The following ME3 variants were observed in gnomAD, a reference collection of about 807,000 sequenced individuals.
ME3 encodes the protein NADP-dependent malic enzyme, mitochondrial.
A neutral mutation model predicts 68.9 loss-of-function variants in ME3; 48 were observed. The observed-to-expected ratio is 0.70, with a 90% CI of 0.55 to 0.89. ME3 has a LOEUF of 0.89. ME3 is among the 40% of genes least tolerant of loss of function. The probability of loss-of-function intolerance (pLI) is 0.00; values close to 1 mark genes in which losing one functional copy is unlikely to be tolerated. For synonymous variants in ME3, 320 were observed against 318.8 expected (o/e 1.00, Z -0.04); for missense variants, 675 against 797.4 (o/e 0.85, Z 1.85).
chr11:86,442,655 C>A (rs944659111), intron 14 of ME3, among the ~76,000 whole-genome samples, 166 bp downstream of exon 14: 1 of 151,972 alleles, frequency 6.6e-6, no homozygotes, highest in Admixed American at 6.5e-5. Flanking sequence ...GGGTGGAGCT[C>A]AAGCTGCAAA....
downstream of ME3, chr11:86,436,204 A>G (rs1315275920): frequency 6.7e-6 from 1 of 149,592 alleles, no homozygotes; most frequent in Admixed American, 6.6e-5. Flanking sequence ...TTTTTTTTTT[A>G]TTATAGCCAT....
intron 7 of ME3, among the ~76,000 whole-genome samples, chr11:86,474,645 C>T (rs1184305190): frequency 4.6e-5 from 7 of 152,160 alleles, no homozygotes; most frequent in South Asian, 2.1e-4. Context: ...CATGAGGCCA[C>T]AGGTGTCCTC....
At chr11:86,596,068 T>G (rs1250582261) in intron 2 of ME3, among the ~76,000 whole-genome samples, 1 of 152,270 alleles carries the variant, frequency 6.6e-6, no homozygotes, top group Non-Finnish European at 1.5e-5. Flanking sequence ...AAAAATTCTT[T>G]TATATTTTTC....
At chr11:86,648,608 CTTT>C (rs1407829972) in intron 2 of ME3, among the ~76,000 whole-genome samples, 4 of 151,986 alleles carry the variant, frequency 2.6e-5, no homozygotes, top group Non-Finnish European at 2.9e-5. Context: ...TCCTTTTCTT[CTTT>C]ATTAATCTAA....
At chr11:86,524,510 C>G (rs537773341) in intron 4 of ME3, among the ~76,000 whole-genome samples, 1 of 152,130 alleles carries the variant, frequency 6.6e-6, no homozygotes, top group Admixed American at 6.5e-5. Context: ...TCCCCTAAAC[C>G]AAGAAAAAGC....
chr11:86,456,703 G>A (rs1367192244), intron 8 of ME3, among the ~76,000 whole-genome samples: 1 of 152,138 alleles, frequency 6.6e-6, no homozygotes, highest in African/African-American at 2.4e-5. Context: ...TCAACATTCA[G>A]CTGTACCTCT....
intron 7 of ME3, among the ~76,000 whole-genome samples, chr11:86,480,404 A>G (rs909032490): frequency 6.6e-6 from 1 of 152,208 alleles, no homozygotes; most frequent in Non-Finnish European, 1.5e-5. Context: ...CCAAATAGGC[A>G]TATTTTTTGG....
intron 4 of ME3, among the ~76,000 whole-genome samples, chr11:86,530,908 C>T (rs1347606406): frequency 1.9e-5 from 1 of 52,784 alleles, no homozygotes; most frequent in Non-Finnish European, 4.3e-5. Context: ...AGAAGAAAAC[C>T]TAGGCATACC....
At chr11:86,446,166 TGA>T in intron 13 of ME3, 146 bp downstream of exon 13, 1 of 837,950 alleles carries the variant, frequency 1.2e-6, no homozygotes, top group Non-Finnish European at 1.9e-6. Context: ...AAGGTGGCCA[TGA>T]GAGATGCTTG....
chr11:86,487,276 G>T, intron 7 of ME3, 61 bp downstream of exon 7: 3 of 1,390,240 alleles, frequency 2.2e-6, no homozygotes, highest in Non-Finnish European at 2.0e-6. Flanking sequence ...AACCAGTGTT[G>T]ACTTTAGTCA....
At chr11:86,472,127 A>G (rs2138797785) in intron 7 of ME3, among the ~76,000 whole-genome samples, 1 of 152,202 alleles carries the variant, frequency 6.6e-6, no homozygotes, top group South Asian at 2.1e-4. Context: ...GGGCATCTCA[A>G]GGAGAGGGAA....
intron 8 of ME3, chr11:86,457,465 C>G (rs1950003507): frequency 9.8e-7 from 1 of 1,020,764 alleles, no homozygotes; most frequent in Non-Finnish European, 1.2e-6. Flanking sequence ...GGTACTGTTG[C>G]CCATTTTTTT....
Position 86,651,191 on chromosome 11 carries a change from C to T in ME3, c.183+20571G>A, listed in dbSNP as rs992010891. Among the ~76,000 whole-genome samples the T allele has an allele frequency of 3.3e-5, 5 of 152,322 alleles. No homozygotes were observed. In the East Asian group the frequency reaches 9.7e-4, roughly 29 times the overall value. ...GGGCAGGGCATAGCCAAACAAAAGG[C>T]AGCAGAAACCTCTGCAGACTTAAAT... On this transcript the variant is annotated intron_variant, in intron 2 of 14. Transcript: ENST00000543262.
intron 2 of ME3, among the ~76,000 whole-genome samples, chr11:86,625,462 G>A (rs574952730): frequency 5.3e-5 from 8 of 152,222 alleles, no homozygotes; most frequent in East Asian, 1.9e-4. Context: ...GAAAGCACTC[G>A]CCTGCCAGCT....
intron 7 of ME3, among the ~76,000 whole-genome samples, chr11:86,485,165 A>T (rs1173488540): frequency 6.6e-6 from 1 of 152,230 alleles, no homozygotes; most frequent in Non-Finnish European, 1.5e-5. Flanking sequence ...GTTCTTTTCC[A>T]TGTAGATACA....
chr11:86,520,452 A>T (rs2139178562), intron 4 of ME3, among the ~76,000 whole-genome samples: 1 of 152,336 alleles, frequency 6.6e-6, no homozygotes, highest in South Asian at 2.1e-4. Context: ...GAAACAAACA[A>T]ACAAAAAACC....
chr11:86,630,087 T>C (rs1025043985), intron 2 of ME3, among the ~76,000 whole-genome samples: 3 of 152,190 alleles, frequency 2.0e-5, no homozygotes, highest in African/African-American at 7.2e-5. Flanking sequence ...CCCTATTGAA[T>C]AGAGATCATC....
intron 4 of ME3, among the ~76,000 whole-genome samples, chr11:86,520,370 G>C (rs1954185062): frequency 6.6e-6 from 1 of 152,218 alleles, no homozygotes. Flanking sequence ...GCATTGTGCT[G>C]AGTACATGGA....
At chr11:86,485,797 C>T (rs1340593463) in intron 7 of ME3, among the ~76,000 whole-genome samples, 1 of 152,194 alleles carries the variant, frequency 6.6e-6, no homozygotes, top group African/African-American at 2.4e-5. Context: ...ATCCCCAACC[C>T]TGATTACACC....
Sources: gnomAD v4.1 joint callset for allele counts (sites outside exome capture counted in the v4.1 genomes callset) on GRCh38, gnomAD v4.1.1 for gene constraint, MANE v1.5 for transcripts, NCBI Gene and HGNC (gene_info 2026-07-23, HGNC 2026-07-21) for gene names.